Variants in LOC400499 observed in about 807,000 individuals in gnomAD.
the LOC400499 span, chr16:11,471,867 C>G: frequency 2.5e-6 from 1 of 399,024 alleles, no homozygotes; most frequent in African/African-American, 2.1e-5. Context: ...ACTCAGAGGG[C>G]TCTGGGCATG....
chr16:11,491,738 C>G, the LOC400499 span: 1 of 398,890 alleles, frequency 2.5e-6, no homozygotes, highest in East Asian at 3.6e-5. Context: ...TGCGCCGCAC[C>G]TGGGCAAACA....
the LOC400499 span, among the ~76,000 whole-genome samples, chr16:11,406,917 C>T: frequency 1.8e-4 from 28 of 152,200 alleles, no homozygotes; most frequent in Non-Finnish European, 5.9e-5. Context: ...TTCGGGGAGT[C>T]AATCTCCCCC....
At chr16:11,383,820 G>C in the LOC400499 span, 2 of 1,232,312 alleles carry the variant, frequency 1.6e-6, no homozygotes, top group Non-Finnish European at 2.0e-6. Context: ...TCCACACCCT[G>C]AGGAGGGACC....
chr16:11,411,223 C>T, the LOC400499 span: 2 of 399,248 alleles, frequency 5.0e-6, no homozygotes, highest in Non-Finnish European at 8.8e-6. Context: ...CAGTTAGGAG[C>T]CAGGCAGCTG....
chr16:11,428,015 G>C, the LOC400499 span, among the ~76,000 whole-genome samples: 1 of 152,174 alleles, frequency 6.6e-6, no homozygotes, highest in Non-Finnish European at 1.5e-5. Context: ...TTCAGGGAAA[G>C]TCCACGGTGC....
At chr16:11,468,718 C>A in the LOC400499 span, among the ~76,000 whole-genome samples, 2 of 152,190 alleles carry the variant, frequency 1.3e-5, no homozygotes, top group South Asian at 4.1e-4. Context: ...ACCTCCGCCT[C>A]CTGGGTTCAA....
chr16:11,376,985 G>C, the LOC400499 span, among the ~76,000 whole-genome samples: 2 of 148,982 alleles, frequency 1.3e-5, no homozygotes, highest in African/African-American at 2.5e-5. Context: ...TGTTGCCCAG[G>C]CTGGAGTACA....
chr16:11,496,104 T>C, the LOC400499 span, among the ~76,000 whole-genome samples: 1 of 151,366 alleles, frequency 6.6e-6, no homozygotes, highest in Non-Finnish European at 1.5e-5. Flanking sequence ...CTTGCTCTTG[T>C]CACCCAGGCT....
the LOC400499 span, among the ~76,000 whole-genome samples, chr16:11,509,951 T>C: frequency 6.8e-6 from 1 of 146,446 alleles, no homozygotes; most frequent in Non-Finnish European, 1.5e-5. Flanking sequence ...GGAGTGAGCC[T>C]CTGGAGAGGG....
chr16:11,499,064 GGA>G, the LOC400499 span, among the ~76,000 whole-genome samples: 1 of 93,708 alleles, frequency 1.1e-5, no homozygotes, highest in African/African-American at 4.3e-5. Flanking sequence ...AGGAAGGGGG[GGA>G]GGGGGGAAGG....
chr16:11,431,780 C>T, the LOC400499 span, among the ~76,000 whole-genome samples: 2 of 152,174 alleles, frequency 1.3e-5, no homozygotes, highest in African/African-American at 2.4e-5. Flanking sequence ...CTATGGCCAG[C>T]TCTTCCCATA....
the LOC400499 span, chr16:11,446,878 A>G: frequency 6.5e-7 from 1 of 1,535,854 alleles, no homozygotes; most frequent in East Asian, 2.4e-5. Flanking sequence ...CTGCAGGAGG[A>G]GGCTCTGCGG....
the LOC400499 span, chr16:11,384,027 G>C: frequency 1.6e-6 from 2 of 1,231,820 alleles, no homozygotes; most frequent in Non-Finnish European, 2.0e-6. Context: ...ATGGATGCAA[G>C]ACTCAGGCCT....
the LOC400499 span, among the ~76,000 whole-genome samples, chr16:11,405,572 G>T: frequency 2.6e-5 from 4 of 152,286 alleles, no homozygotes; most frequent in African/African-American, 9.6e-5. Context: ...CGTCCCTGCT[G>T]GTGGGTGCCA....
At chr16:11,501,693 G>A in the LOC400499 span, among the ~76,000 whole-genome samples, 1 of 152,050 alleles carries the variant, frequency 6.6e-6, no homozygotes, top group African/African-American at 2.4e-5. Context: ...CTGGGTGGTG[G>A]AATGCCGGCC....
chr16:11,406,006 G>A, the LOC400499 span, among the ~76,000 whole-genome samples: 3 of 152,124 alleles, frequency 2.0e-5, no homozygotes, highest in African/African-American at 7.2e-5. Context: ...CCCTCTGCCT[G>A]GAATACTCTT....
At chr16:11,475,825 G>A in the LOC400499 span, 118 of 390,716 alleles carry the variant, frequency 3.0e-4, no homozygotes, top group African/African-American at 1.1e-3. Context: ...TACCCTGAGC[G>A]GGGCCAGCCT....
At chr16:11,511,888 A>T in the LOC400499 span, among the ~76,000 whole-genome samples, 1 of 152,180 alleles carries the variant, frequency 6.6e-6, no homozygotes, top group Admixed American at 6.5e-5. Context: ...ATAGCCAGGC[A>T]TGGTGGCGCA....
the LOC400499 span, among the ~76,000 whole-genome samples, chr16:11,424,867 T>C: frequency 6.6e-6 from 1 of 152,100 alleles, no homozygotes; most frequent in African/African-American, 2.4e-5. Flanking sequence ...GTGGGAGGCC[T>C]GGAGGGCTGA....
Sources: gnomAD v4.1 joint callset for allele counts (sites outside exome capture counted in the v4.1 genomes callset) on GRCh38, gnomAD v4.1.1 for gene constraint, MANE v1.5 for transcripts.